MID1: variants seen among roughly 807,000 people sequenced by gnomAD.
The protein encoded by MID1 is midline 1.
MID1 carries 7 observed loss-of-function variants against 40.4 expected under a neutral mutation model. That is an observed-to-expected ratio of 0.17 (90% CI 0.10 to 0.33). MID1 has a LOEUF of 0.33. Ranked by LOEUF, MID1 falls within the 10% of genes least tolerant of loss-of-function variation. MID1 has a pLI of 1.00. For missense variants in MID1, 367 were observed against 558.5 expected, an observed-to-expected ratio of 0.66 and a Z score of 3.46; for synonymous variants, 229 against 221.2, an observed-to-expected ratio of 1.04 and a Z score of -0.31.
intron 1 of MID1, among the ~76,000 whole-genome samples, chrX:10,615,450 T>C (rs1935823394): frequency 8.9e-6 from 1 of 112,617 alleles, no homozygotes; most frequent in Admixed American, 9.3e-5. Flanking sequence ...AACACTGGAC[T>C]GAATATAAGA....
chrX:10,783,457 C>T (rs1223226034), intron 1 of MID1, among the ~76,000 whole-genome samples: 2 of 111,056 alleles, frequency 1.8e-5, no homozygotes, highest in African/African-American at 6.6e-5. Context: ...TTCTTTGTAC[C>T]TAAGTTACTT....
At chrX:10,504,920 A>C (rs1323166926) in intron 3 of MID1, among the ~76,000 whole-genome samples, 3 of 111,769 alleles carry the variant, frequency 2.7e-5, no homozygotes, top group African/African-American at 9.8e-5. Flanking sequence ...AACTTTACTT[A>C]CAAAAACAGT....
chrX:10,484,645 C>A (rs1930521569), intron 4 of MID1, among the ~76,000 whole-genome samples: 1 of 111,904 alleles, frequency 8.9e-6, no homozygotes, highest in African/African-American at 3.3e-5. Flanking sequence ...GCTTTGCAAA[C>A]CTAGTGTAAA....
At chrX:10,477,962 A>G (rs922877471) in intron 5 of MID1, among the ~76,000 whole-genome samples, 2 of 112,631 alleles carry the variant, frequency 1.8e-5, no homozygotes, top group African/African-American at 6.5e-5. Flanking sequence ...ACATCTTTTC[A>G]GAATTGACAA....
At chrX:10,708,436 C>T (rs757486090) in intron 1 of MID1, among the ~76,000 whole-genome samples, 2 of 110,881 alleles carry the variant, frequency 1.8e-5, no homozygotes, top group South Asian at 7.7e-4. Flanking sequence ...TCCTTCCAGG[C>T]TTGATGGAAG....
intron 3 of MID1, among the ~76,000 whole-genome samples, chrX:10,512,936 G>A (rs1051376492): frequency 8.9e-6 from 1 of 111,829 alleles, no homozygotes; most frequent in Non-Finnish European, 1.9e-5. Flanking sequence ...ACATTCCATG[G>A]TAGCCTCGGG....
chrX:10,715,431 C>T (rs1172554302), intron 1 of MID1, among the ~76,000 whole-genome samples: 6 of 112,160 alleles, frequency 5.3e-5, no homozygotes, highest in Admixed American at 9.4e-5. Flanking sequence ...CCTACGCCCA[C>T]GGAGCCTCAC....
At chrX:10,459,032 C>T (rs755248233) in intron 8 of MID1, among the ~76,000 whole-genome samples, 6 of 111,471 alleles carry the variant, frequency 5.4e-5, no homozygotes, top group Non-Finnish European at 9.4e-5. Flanking sequence ...CACATATAGG[C>T]CAGACCATTC....
intron 1 of MID1, among the ~76,000 whole-genome samples, chrX:10,647,266 T>C (rs1569137424): frequency 8.9e-6 from 1 of 111,876 alleles, no homozygotes; most frequent in Admixed American, 9.5e-5. Context: ...CAGCTCCCGA[T>C]CCAGCATTGT....
intron 1 of MID1, among the ~76,000 whole-genome samples, chrX:10,616,070 C>T (rs1023749956): frequency 4.5e-5 from 5 of 111,945 alleles, no homozygotes; most frequent in Non-Finnish European, 7.5e-5. Flanking sequence ...GCCTCGGGCT[C>T]CCTGCAGTGA....
intron 2 of MID1, among the ~76,000 whole-genome samples, chrX:10,542,868 A>C (rs979224043): frequency 1.8e-5 from 2 of 112,291 alleles, no homozygotes; most frequent in Non-Finnish European, 3.8e-5. Flanking sequence ...GGATGAAAAA[A>C]AGAATTTCTA....
intron 1 of MID1, chrX:10,677,422 G>T (rs1189052770): frequency 8.9e-6 from 1 of 111,882 alleles, no homozygotes; most frequent in Non-Finnish European, 1.9e-5. Flanking sequence ...TAATCAATCT[G>T]GAATTCCCAC....
rs60188235 is a variant in MID1 at position 10,636,785 on chromosome X, G to GATATATATATATATATAT, written c.-186-16384_-186-16367dup. Among the ~76,000 whole-genome samples the GATATATATATATATATAT allele has an allele frequency of 8.3e-3, 352 of 42,634 alleles. 17 individuals carry two copies. Among genetic ancestry groups the GATATATATATATATATAT allele is most frequent in the Non-Finnish European group, 9.6e-3 (238 of 24,721 alleles). The allele number at this position is 42,634 out of a possible 115,157, so 37.0% of individuals were successfully genotyped here. A position where few individuals can be genotyped will look rare whatever the true frequency, so the allele number is the denominator to read the frequency against. On this transcript the variant is annotated intron_variant, in intron 1 of 10. Transcript: ENST00000380785. Reference sequence around the variant, plus strand: ...CAAACTGGGCCATTCCAACAATGGGGATATATATATATATATATATATATA... The same window carrying GATATATATATATATATAT: ...CAAACTGGGCCATTCCAACAATGGGGATATATATATATATATATATATATATATATATATATATATATA...
chrX:10,719,942 T>C (rs755459943), intron 1 of MID1, among the ~76,000 whole-genome samples: 140 of 111,685 alleles, frequency 1.3e-3, no homozygotes, highest in African/African-American at 4.1e-3. Flanking sequence ...AAACAAGAAA[T>C]GGGGAAAGGA....
At chrX:10,509,069 C>T (rs1931985043) in intron 3 of MID1, among the ~76,000 whole-genome samples, 1 of 111,290 alleles carries the variant, frequency 9.0e-6, no homozygotes, top group African/African-American at 3.3e-5. Flanking sequence ...GGTAGTGGGG[C>T]TGGTAAAAGT....
intron 8 of MID1, among the ~76,000 whole-genome samples, chrX:10,459,207 C>T (rs1410644847): frequency 9.0e-6 from 1 of 110,957 alleles, no homozygotes; most frequent in Non-Finnish European, 1.9e-5. Context: ...AAGAAGTGTC[C>T]CTGATTGAGA....
chrX:10,448,413 C>T lies in MID1; in HGVS notation c.*955G>A, dbSNP rs1928131479. On this transcript the variant is annotated 3_prime_UTR_variant, in exon 10 of 10. Transcript: ENST00000317552. The stretch of plus-strand genomic sequence containing the variant: ...TGACAGAACATGTTTATTTACTCAG[C>T]CCCGGAGACAAAAGGAAAATTGATA... The T allele has an allele frequency of 9.0e-6, 1 of 110,647 alleles. No individual in the cohort carries two copies. Among genetic ancestry groups the T allele is most frequent in the African/African-American group, 3.3e-5 (1 of 30,324 alleles). The allele number at this position is 110,647 out of a possible 1,213,427, so 9.1% of individuals were successfully genotyped here. A position where few individuals can be genotyped will look rare whatever the true frequency, so the allele number is the denominator to read the frequency against.
chrX:10,734,164 A>G (rs1569158303), intron 1 of MID1, among the ~76,000 whole-genome samples: 1 of 112,451 alleles, frequency 8.9e-6, no homozygotes, highest in Non-Finnish European at 1.9e-5. Context: ...TAGATTGGAC[A>G]AAGAAAATGT....
intron 3 of MID1, among the ~76,000 whole-genome samples, chrX:10,508,918 T>C (rs1419426236): frequency 9.0e-6 from 1 of 111,536 alleles, no homozygotes; most frequent in Non-Finnish European, 1.9e-5. Flanking sequence ...TTGAGGAGTT[T>C]AACTTGGGAG....
Sources: gnomAD v4.1 joint callset for allele counts (sites outside exome capture counted in the v4.1 genomes callset) on GRCh38, gnomAD v4.1.1 for gene constraint, MANE v1.5 for transcripts, NCBI Gene and HGNC (gene_info 2026-07-23, HGNC 2026-07-21) for gene names.